Variants in FBXO7 observed in about 807,000 individuals in gnomAD.
FBXO7 encodes F-box only protein 7.
In FBXO7, 31 loss-of-function variants were observed where a neutral mutation model predicts 50.2. That is an observed-to-expected ratio of 0.62 (90% CI 0.46 to 0.83). FBXO7 has a LOEUF of 0.83. Ranked by LOEUF, FBXO7 falls within the 40% of genes least tolerant of loss-of-function variation. The pLI, the probability that FBXO7 is intolerant of heterozygous loss-of-function variation, is 0.00. For synonymous variants in FBXO7, 256 were observed against 253.1 expected (o/e 1.01, Z -0.11); for missense variants, 667 against 646.6 (o/e 1.03, Z -0.34).
chr22:32,484,147 A>G (rs2057483598), intron 3 of FBXO7, 23 bp downstream of exon 3: 2 of 1,585,488 alleles, frequency 1.3e-6, no homozygotes, highest in Middle Eastern at 1.7e-4. Context: ...AGCAAAACAC[A>G]GACATCTTAT....
At chr22:32,477,743 A>T (rs1421685550) in intron 1 of FBXO7, among the ~76,000 whole-genome samples, 1 of 152,334 alleles carries the variant, frequency 6.6e-6, no homozygotes, top group East Asian at 1.9e-4. Flanking sequence ...CTGTAAGGAT[A>T]TTGAATAGAC....
At chr22:32,493,471 C>T (rs1030120839) in intron 7 of FBXO7, among the ~76,000 whole-genome samples, 190 bp downstream of exon 7, 15 of 152,092 alleles carry the variant, frequency 9.9e-5, no homozygotes, top group African/African-American at 3.4e-4. Flanking sequence ...GTGTTTTGCA[C>T]AACACAAATC....
At position 32,483,971 on chromosome 22, in the gene FBXO7, TC is replaced by T; in HGVS notation, c.495del (p.Ser166GlnfsTer18). On this transcript the variant is annotated frameshift_variant, in exon 3 of 9. Transcript: ENST00000266087. LOFTEE classifies it high-confidence loss of function. Reference protein sequence around the residue: ...AHMAEGTGFYPSEPMLCSESV... With the variant: ...AHMAEGTGFYXSEPMLCSESV... Reference sequence around the variant, plus strand: ...ATATGGCAGAGGGCACAGGTTTCTATCCCTCAGAACCCATGCTCTGTAGTGA... The same window carrying T: ...ATATGGCAGAGGGCACAGGTTTCTATCCTCAGAACCCATGCTCTGTAGTGA... The T allele has an allele frequency of 6.2e-7, 1 of 1,614,212 alleles. No homozygotes were observed. Among genetic ancestry groups the T allele is most frequent in the African/African-American group, 1.3e-5 (1 of 75,070 alleles).
At chr22:32,491,227 G>A (rs376156198) in intron 6 of FBXO7, 46 bp downstream of exon 6, 1 of 1,296,600 alleles carries the variant, frequency 7.7e-7, no homozygotes, top group Non-Finnish European at 1.1e-6. Context: ...GTAAAGAATA[G>A]TAAGTATACT....
At position 32,495,536 on chromosome 22, in the gene FBXO7, T is replaced by G; in HGVS notation, c.1182+6T>G. Reference sequence around the variant, plus strand: ...AAGACACAGATTGGAAAGAAGTAGGTATTTTTAAATATTAAGACTAATGTC... The same window carrying G: ...AAGACACAGATTGGAAAGAAGTAGGGATTTTTAAATATTAAGACTAATGTC... On this transcript the variant is annotated splice_donor_region_variant and intron_variant, in intron 8 of 8. Transcript: ENST00000266087. 6.7e-7 allele frequency: 1 copy of G among 1,499,586 alleles called. No homozygotes were observed. Among genetic ancestry groups the G allele is most frequent in the Non-Finnish European group, 9.2e-7 (1 of 1,083,996 alleles). 92.9% of individuals were successfully genotyped at this position (1,499,586 alleles called of 1,614,324 possible).
chr22:32,487,927 A>G (rs1427767338), intron 5 of FBXO7, 99 bp downstream of exon 5: 11 of 767,726 alleles, frequency 1.4e-5, no homozygotes, highest in South Asian at 7.8e-5. Context: ...AAATTTCTAT[A>G]TGAGATTAAA....
Position 32,493,173 on chromosome 22 carries a change from C to T in FBXO7, c.1036C>T (p.Leu346Phe). ...PLELKLRIFR[L>F]LDVRSVLSLS... ...GGAACTGAAACTACGGATCTTCCGA[C>T]TTCTGGATGTTCGTTCCGTCTTGTC... The change falls in exon 7 of 9, where the codon CTT (leucine) becomes TTT (phenylalanine). Residue 346 changes from leucine to phenylalanine, a missense_variant. By Grantham distance (22) the Leu-to-Phe change is conservative. Coordinates refer to ENST00000266087, the MANE Select transcript of FBXO7 (RefSeq NM_012179.4). The T allele has an allele frequency of 2.5e-6, 4 of 1,614,196 alleles. No homozygotes were observed. The highest frequency in any genetic ancestry group is 3.4e-6 in the Non-Finnish European group (4 of 1,180,032).
chr22:32,481,809 C>T (rs2057466589), intron 2 of FBXO7, among the ~76,000 whole-genome samples: 1 of 151,962 alleles, frequency 6.6e-6, no homozygotes, highest in African/African-American at 2.4e-5. Context: ...TCTCATGCAT[C>T]TTAGTCACTT....
At chr22:32,476,030 A>G (rs570360486) in intron 1 of FBXO7, 3 of 152,298 alleles carry the variant, frequency 2.0e-5, no homozygotes, top group South Asian at 2.1e-4. Flanking sequence ...AATGAAAAAG[A>G]TGTTCCCTGG....
chr22:32,491,373 A>G (rs1013636833), intron 6 of FBXO7, 192 bp downstream of exon 6: 2 of 540,854 alleles, frequency 3.7e-6, no homozygotes, highest in Non-Finnish European at 6.5e-6. Context: ...TTTTGTACAT[A>G]TTTTTATTGT....
intron 3 of FBXO7, 123 bp downstream of exon 3, chr22:32,484,247 A>G (rs2145993384): frequency 2.5e-6 from 2 of 807,300 alleles, no homozygotes; most frequent in Non-Finnish European, 4.3e-6. Flanking sequence ...GCACTGTGCT[A>G]TATTGGTGAA....
intron 6 of FBXO7, chr22:32,492,832 TATC>T: frequency 2.1e-6 from 1 of 473,024 alleles, no homozygotes. Flanking sequence ...ATTTAGCAAT[TATC>T]ATAGTTATTT....
At position 32,498,152 on chromosome 22, in the gene FBXO7, G is replaced by A. The variant is rs760113414; in HGVS notation, c.1191G>A (p.Arg397=). The change falls in exon 9 of 9, where the codon AGG becomes AGA. Residue 397 remains arginine (R), a synonymous_variant. Transcript: ENST00000266087. ...TTTTCTTTTTTCTACAGCTGTACAG[G>A]AAGAGGCACATACAAAGAAAAGAAT... is the stretch of plus-strand genomic sequence containing the variant. ...VQDTDWKELY[R]KRHIQRKESP... The A allele has an allele frequency of 6.2e-7, 1 of 1,614,088 alleles. No individual in the cohort carries two copies. The highest frequency in any genetic ancestry group is 1.1e-5 in the South Asian group (1 of 91,072).
Position 32,498,313 on chromosome 22 carries a change from G to A in FBXO7, c.1352G>A (p.Arg451Lys). The change falls in exon 9 of 9, where the codon AGA becomes AAA. Residue 451 changes from arginine (R) to lysine (K), a missense_variant. Physicochemically the swap from Arg to Lys is conservative, Grantham distance 26. Transcript: ENST00000266087. ...PGIIGGEYDQ[R>K]PTLPYVGDPI... ...ATTATCGGGGGTGAATATGACCAAAGACCAACACTTCCCTATGTTGGAGAC... is the reference window on the plus strand; with the variant it reads ...ATTATCGGGGGTGAATATGACCAAAAACCAACACTTCCCTATGTTGGAGAC... The A allele has an allele frequency of 1.9e-6, 3 of 1,614,112 alleles. No individual in the cohort carries two copies. The East Asian group carries it at 6.7e-5, about 36-fold the overall frequency.
chr22:32,491,425 T>C (rs901435430), intron 6 of FBXO7: 8 of 439,860 alleles, frequency 1.8e-5, no homozygotes, highest in African/African-American at 1.6e-4. Context: ...ATGATTTCTT[T>C]CCACCTAAGG....
At chr22:32,495,379 T>C (rs1474745315) in intron 7 of FBXO7, 114 bp from the exon 8 acceptor site, 1 of 643,054 alleles carries the variant, frequency 1.6e-6, no homozygotes, top group African/African-American at 2.1e-5. Flanking sequence ...TTTTTTTTTT[T>C]TTTTATGCTT....
intron 5 of FBXO7, chr22:32,490,137 T>C (rs971588628): frequency 6.6e-6 from 1 of 152,196 alleles, no homozygotes; most frequent in Non-Finnish European, 1.5e-5. Flanking sequence ...TACATAAATA[T>C]GAAATGGGGA....
At chr22:32,495,010 G>A (rs1431712277) in intron 7 of FBXO7, among the ~76,000 whole-genome samples, 4 of 152,190 alleles carry the variant, frequency 2.6e-5, no homozygotes, top group African/African-American at 7.2e-5. Context: ...TCAGGACATC[G>A]TTGGGAGAAA....
rs759489473 is a variant in FBXO7 at position 32,498,534 on chromosome 22, A to AC, written c.*4_*5insC. 1 of 1,611,536 alleles carries AC rather than the reference A, an allele frequency of 6.2e-7. No individual in the cohort carries two copies. The highest frequency in any genetic ancestry group is 1.1e-5 in the South Asian group (1 of 91,030). The stretch of plus-strand genomic sequence containing the variant: ...TGGCCGGCTGTCATTCATGTGATTG[A>AC]TTTGTAATTTCATTTCTGGAGCTCC... On this transcript the variant is annotated 3_prime_UTR_variant, in exon 9 of 9. Transcript: ENST00000266087.
Sources: gnomAD v4.1 joint callset for allele counts (sites outside exome capture counted in the v4.1 genomes callset) on GRCh38, gnomAD v4.1.1 for gene constraint, MANE v1.5 for transcripts, NCBI Gene and HGNC (gene_info 2026-07-23, HGNC 2026-07-21) for gene names.